The following CCDC7 variants were observed in gnomAD, a reference collection of about 807,000 sequenced individuals.
The protein encoded by CCDC7 is coiled-coil domain-containing protein 7.
Under a neutral mutation model 196.9 loss-of-function variants are expected in CCDC7, and 183 were observed. The ratio of observed to expected loss-of-function variants is 0.93; its 90% CI spans 0.82 to 1.05. The LOEUF (loss-of-function observed/expected upper bound fraction) is 1.05. CCDC7 is among the 50% of genes least tolerant of loss of function. The pLI, the probability that CCDC7 is intolerant of heterozygous loss-of-function variation, is 0.00. For missense variants in CCDC7, 1,540 were observed against 1,482.2 expected (o/e 1.04, Z -0.64); for synonymous variants, 525 against 484.6 (o/e 1.08, Z -1.10).
chr10:32,691,246 A>G (rs2077043874), intron 23 of CCDC7, among the ~76,000 whole-genome samples: 1 of 152,148 alleles, frequency 6.6e-6, no homozygotes, highest in South Asian at 2.1e-4. Flanking sequence ...TTTATTAGTC[A>G]TGGGGTCATC....
At chr10:32,643,956 G>A (rs1019663942) in intron 20 of CCDC7, among the ~76,000 whole-genome samples, 11 of 151,634 alleles carry the variant, frequency 7.3e-5, no homozygotes, top group African/African-American at 2.7e-4. Flanking sequence ...TTATAAAAAT[G>A]AATGGAAACT....
At chr10:32,634,726 G>T (rs958304327) in intron 19 of CCDC7, among the ~76,000 whole-genome samples, 3 of 152,110 alleles carry the variant, frequency 2.0e-5, no homozygotes, top group African/African-American at 7.2e-5. Flanking sequence ...CTCATCAGAG[G>T]TCTTTTTTCT....
At chr10:32,515,143 G>A (rs2135449294) in intron 9 of CCDC7, among the ~76,000 whole-genome samples, 1 of 152,262 alleles carries the variant, frequency 6.6e-6, no homozygotes, top group South Asian at 2.1e-4. Flanking sequence ...TCTTAAGATA[G>A]CAATACTTCC....
chr10:32,523,915 GT>G (rs919380535), intron 11 of CCDC7, among the ~76,000 whole-genome samples: 21 of 144,398 alleles, frequency 1.5e-4, no homozygotes, highest in East Asian at 6.0e-4. Context: ...ATTGGTTCTT[GT>G]TTTTTTTTTA....
At position 32,544,233 on chromosome 10, in the gene CCDC7, A is replaced by G. The variant is rs2052028074; in HGVS notation, c.1080-14A>G. ...AAAATATCATGATGCATTTTAAAAC[A>G]TTTTATGTTACAGGAAGATGTCTCC... On this transcript the variant is annotated splice_polypyrimidine_tract_variant and intron_variant, in intron 12 of 41. Coordinates refer to ENST00000639629, the Ensembl canonical transcript of CCDC7. The G allele has an allele frequency of 5.0e-6, 8 of 1,597,548 alleles. No homozygotes were observed. In the African/African-American group the frequency reaches 8.1e-5, roughly 16 times the overall value.
At chr10:32,807,860 A>G (rs1270906358) in intron 30 of CCDC7, among the ~76,000 whole-genome samples, 1 of 151,960 alleles carries the variant, frequency 6.6e-6, no homozygotes, top group Non-Finnish European at 1.5e-5. Flanking sequence ...CCTCCCAAGT[A>G]GCTGGGACTA....
chr10:32,468,631 C>T (rs2037329894), intron 5 of CCDC7, among the ~76,000 whole-genome samples: 1 of 151,990 alleles, frequency 6.6e-6, no homozygotes, highest in Non-Finnish European at 1.5e-5. Context: ...AATAGGAGTG[C>T]TGGGAGAGGG....
intron 30 of CCDC7, among the ~76,000 whole-genome samples, chr10:32,812,246 A>G (rs1266586298): frequency 2.6e-5 from 4 of 152,074 alleles, no homozygotes; most frequent in Non-Finnish European, 5.9e-5. Context: ...AGAAAATGAC[A>G]AGATATGATA....
At chr10:32,778,061 T>C (rs1373424559) in intron 28 of CCDC7, among the ~76,000 whole-genome samples, 1 of 152,226 alleles carries the variant, frequency 6.6e-6, no homozygotes, top group Non-Finnish European at 1.5e-5. Context: ...TGCTTGTTGG[T>C]TTAAGTTCCT....
intron 9 of CCDC7, among the ~76,000 whole-genome samples, chr10:32,500,999 C>G (rs11817425): frequency 0.052 from 7,967 of 152,242 alleles, 688 homozygotes; most frequent in African/African-American, 0.18. Context: ...GGCGGCAGTA[C>G]AGTCCAGCCT....
chr10:32,717,823 A>G (rs199721472), intron 25 of CCDC7, among the ~76,000 whole-genome samples: 1 of 151,936 alleles, frequency 6.6e-6, no homozygotes, highest in Non-Finnish European at 1.5e-5. Context: ...CCAAGACTAA[A>G]CCAGGAAGAA....
upstream of CCDC7, among the ~76,000 whole-genome samples, chr10:32,444,390 T>A (rs2030516442): frequency 6.6e-6 from 1 of 152,270 alleles, no homozygotes; most frequent in Admixed American, 6.5e-5. Context: ...TTGTCAGCAC[T>A]GATAACTTTT....
chr10:32,516,234 T>C (rs901180364), intron 9 of CCDC7, among the ~76,000 whole-genome samples: 4 of 152,024 alleles, frequency 2.6e-5, no homozygotes, highest in African/African-American at 9.6e-5. Flanking sequence ...AAAGAAGATA[T>C]AGAAATGCCC....
chr10:32,812,247 A>G (rs976762877), intron 30 of CCDC7, among the ~76,000 whole-genome samples: 29 of 152,192 alleles, frequency 1.9e-4, no homozygotes, highest in African/African-American at 6.7e-4. Flanking sequence ...GAAAATGACA[A>G]GATATGATAA....
chr10:32,819,561 T>A (rs2089697207), intron 31 of CCDC7, among the ~76,000 whole-genome samples: 2 of 151,982 alleles, frequency 1.3e-5, no homozygotes, highest in East Asian at 1.9e-4. Flanking sequence ...GATGCAAAAA[T>A]CCTCAATAAA....
intron 18 of CCDC7, among the ~76,000 whole-genome samples, chr10:32,593,293 T>C (rs1242268184): frequency 6.6e-6 from 1 of 152,250 alleles, no homozygotes; most frequent in African/African-American, 2.4e-5. Flanking sequence ...ATTTCTCTGA[T>C]GGCCAGTGAT....
At chr10:32,662,692 A>T (rs2071750790) in intron 20 of CCDC7, among the ~76,000 whole-genome samples, 1 of 152,200 alleles carries the variant, frequency 6.6e-6, no homozygotes, top group Non-Finnish European at 1.5e-5. Flanking sequence ...ACTGCTAATG[A>T]AATACTGGTG....
intron 9 of CCDC7, among the ~76,000 whole-genome samples, chr10:32,495,238 T>C (rs761880961): frequency 2.7e-5 from 4 of 150,458 alleles, no homozygotes; most frequent in Non-Finnish European, 5.9e-5. Flanking sequence ...GATGGGGTTG[T>C]TTGTTTTTTT....
chr10:32,557,664 T>A lies in CCDC7; in HGVS notation c.1135-7894T>A, dbSNP rs372301290. Among the ~76,000 whole-genome samples, 11 of 152,324 alleles carry A rather than the reference T, an allele frequency of 7.2e-5. No individual in the cohort carries two copies. The East Asian group carries it at 2.1e-3, about 29-fold the overall frequency. ...ATTAAATTTTTAAATTCAGATATTA[T>A]GATTTTCAGTTCCAGAATTTCCATT... On this transcript the variant is annotated intron_variant, in intron 13 of 41. Coordinates refer to ENST00000639629, the Ensembl canonical transcript of CCDC7.
Sources: gnomAD v4.1 joint callset for allele counts (sites outside exome capture counted in the v4.1 genomes callset) on GRCh38, gnomAD v4.1.1 for gene constraint, MANE v1.5 for transcripts, NCBI Gene and HGNC (gene_info 2026-07-23, HGNC 2026-07-21) for gene names.